The following MYH1 variants were observed in gnomAD, a reference collection of about 807,000 sequenced individuals.
MYH1 encodes the protein myosin heavy chain 1.
MYH1 carries 214 observed loss-of-function variants against 225.6 expected under a neutral mutation model. The ratio of observed to expected loss-of-function variants is 0.95; its 90% confidence interval spans 0.85 to 1.06. MYH1 has a LOEUF of 1.06. Ranked by LOEUF, MYH1 falls within the 50% of genes least tolerant of loss-of-function variation. The pLI is 0.00. For synonymous variants in MYH1, 774 were observed against 842.3 expected (o/e 0.92, Z 1.40); for missense variants, 2,098 against 2,344.2 (o/e 0.89, Z 2.17).
chr17:10,511,716 A>T, intron 14 of MYH1, 123 bp downstream of exon 14: 1 of 1,464,754 alleles, frequency 6.8e-7, no homozygotes, highest in Non-Finnish European at 9.4e-7. Flanking sequence ...TGTGTCAGTT[A>T]AGTTTAAAGT....
chr17:10,506,873 C>T (rs1418243303), intron 17 of MYH1, among the ~76,000 whole-genome samples: 1 of 152,166 alleles, frequency 6.6e-6, no homozygotes, highest in African/African-American at 2.4e-5. Flanking sequence ...AGATATAGAG[C>T]TGTGTCCTCC....
Position 10,516,623 on chromosome 17 carries a change from A to G in MYH1, c.20T>C (p.Met7Thr), listed in dbSNP as rs146363375. ...AGGAGCAGCCTCCCCAAAAATGGCC[A>G]TCTCAGAGTCGGAACTCATGGCTGC... MSSDSE[M>T]AIFGEAAPFL... The change falls in exon 3 of 40, where the codon ATG (methionine) becomes ACG (threonine). Residue 7 changes from methionine (M) to threonine (T), a missense_variant. Coordinates refer to ENST00000226207, the MANE Select transcript of MYH1 (RefSeq NM_005963.4). The G allele has an allele frequency of 1.5e-5, 24 of 1,614,220 alleles. No individual in the cohort carries two copies. The highest frequency in any genetic ancestry group is 1.9e-5 in the Non-Finnish European group (22 of 1,180,038).
intron 17 of MYH1, among the ~76,000 whole-genome samples, chr17:10,506,418 G>C (rs1181424305): frequency 1.3e-5 from 2 of 151,670 alleles, no homozygotes; most frequent in African/African-American, 4.8e-5. Context: ...TTTTTGCCTA[G>C]ATACATGGTC....
At chr17:10,499,288 T>C (rs1283758942) in intron 28 of MYH1, among the ~76,000 whole-genome samples, 196 bp from the exon 29 acceptor site, 1 of 152,182 alleles carries the variant, frequency 6.6e-6, no homozygotes, top group Non-Finnish European at 1.5e-5. Context: ...TTGAGGCAGA[T>C]TACATGCTTG....
intron 22 of MYH1, 51 bp downstream of exon 22, chr17:10,504,759 T>A: frequency 6.2e-7 from 1 of 1,600,942 alleles, no homozygotes; most frequent in Non-Finnish European, 8.5e-7. Flanking sequence ...TAGTGACCAC[T>A]GAGCTGAAGT....
At chr17:10,500,205 A>T (rs1567716754) in intron 28 of MYH1, among the ~76,000 whole-genome samples, 1 of 152,178 alleles carries the variant, frequency 6.6e-6, no homozygotes. Flanking sequence ...TAATGAGGAA[A>T]ATAAAGTAAC....
At chr17:10,496,998 C>T in intron 33 of MYH1, 71 bp downstream of exon 33, 1 of 1,554,076 alleles carries the variant, frequency 6.4e-7, no homozygotes, top group South Asian at 1.2e-5. Context: ...TCTCTTGATT[C>T]ACCATTCCTT....
rs1386497640 is a variant in MYH1 at position 10,503,122 on chromosome 17, G to C, written c.2818C>G (p.Leu940Val). Reference sequence around the variant, plus strand: ...TCCAGTTTCCTCTTCTTGGCTGTCAGCTCAGCATTGATCTCTTCCTCATCC... The same window carrying C: ...TCCAGTTTCCTCTTCTTGGCTGTCACCTCAGCATTGATCTCTTCCTCATCC... ...AEDEEEINAE[L>V]TAKKRKLEDE... Residue 940 changes from leucine (L) to valine (V), a missense_variant, in exon 23 of 40, where the codon CTG (leucine) becomes GTG (valine). Leu to Val is a conservative substitution (Grantham distance 32, BLOSUM62 1). Transcript: ENST00000226207. The C allele has an allele frequency of 1.9e-6, 3 of 1,613,436 alleles. No homozygotes were observed. Among genetic ancestry groups the C allele is most frequent in the Non-Finnish European group, 1.7e-6 (2 of 1,179,518 alleles).
intron 2 of MYH1, among the ~76,000 whole-genome samples, 192 bp downstream of exon 2, chr17:10,518,048 C>T (rs1021052209): frequency 6.6e-6 from 1 of 151,944 alleles, no homozygotes; most frequent in East Asian, 1.9e-4. Context: ...TCATATATTG[C>T]GAGGGATATG....
intron 5 of MYH1, 36 bp from the exon 6 acceptor site, chr17:10,514,931 C>G (rs368798634): frequency 6.2e-7 from 1 of 1,601,850 alleles, no homozygotes; most frequent in South Asian, 1.1e-5. Flanking sequence ...GCATATGTAT[C>G]AGTTACACAA....
In MYH1 at chr17:10,503,160, G is replaced by A. The variant is rs1330318042; in HGVS notation, c.2780C>T (p.Thr927Ile). 6.2e-7 allele frequency: 1 copy of A among 1,613,646 alleles called. No homozygotes were observed. Among genetic ancestry groups the A allele is most frequent in the East Asian group, 2.2e-5 (1 of 44,888 alleles). ...CTCTTCCTCATCCTCAGCTCTCTCA[G>A]TCACCTCTTTGATTTTGGCTTCTAG... ...IQLEAKIKEV[T>I]ERAEDEEEIN... Residue 927 changes from threonine to isoleucine, a missense_variant, in exon 23 of 40, where the codon ACT (threonine) becomes ATT (isoleucine). Thr to Ile is a moderately conservative substitution (Grantham distance 89, BLOSUM62 -1). Coordinates refer to ENST00000226207, the MANE Select transcript of MYH1 (RefSeq NM_005963.4).
intron 30 of MYH1, among the ~76,000 whole-genome samples, chr17:10,498,235 T>C (rs1431191158): frequency 1.3e-5 from 2 of 152,192 alleles, no homozygotes; most frequent in Non-Finnish European, 2.9e-5. Context: ...GAATTACTGG[T>C]TTGTTTTTCT....
At chr17:10,507,836 G>T in intron 17 of MYH1, 50 bp downstream of exon 17, 10 of 1,494,966 alleles carry the variant, frequency 6.7e-6, no homozygotes, top group Non-Finnish European at 8.4e-6. Flanking sequence ...ACACCATAGA[G>T]TACATTTAAT....
chr17:10,509,696 T>C (rs767578659), intron 14 of MYH1, 41 bp from the exon 15 acceptor site: 1 of 1,614,142 alleles, frequency 6.2e-7, no homozygotes, highest in Non-Finnish European at 8.5e-7. Flanking sequence ...CAATTTATAA[T>C]GAAATCTTCT....
At position 10,496,231 on chromosome 17, in the gene MYH1, A is replaced by G. The variant is rs200205205; in HGVS notation, c.4965+10T>C. On this transcript the variant is annotated intron_variant, in intron 34 of 39. Coordinates refer to ENST00000226207, the MANE Select transcript of MYH1 (RefSeq NM_005963.4). The stretch of plus-strand genomic sequence containing the variant: ...CAATTGTCCTGGGATCATCTGTTGG[A>G]CATATTTACCTTGAGGATGGCTTGG... The G allele has an allele frequency of 6.2e-7, 1 of 1,614,104 alleles. No homozygotes were observed. The highest frequency in any genetic ancestry group is 2.2e-5 in the East Asian group (1 of 44,872).
At position 10,513,882 on chromosome 17, in the gene MYH1, T is replaced by C. The variant is rs1191357079; in HGVS notation, c.680A>G (p.Asn227Ser). ...GTLEDQIISANPLLEAFGNAK... is the reference protein window; with the variant it reads ...GTLEDQIISASPLLEAFGNAK... ...GTTGCCAAAGGCCTCCAGTAGGGGG[T>C]TGGCACTGATGATTTGATCTTCCAG... Residue 227 changes from asparagine to serine, a missense_variant, in exon 8 of 40, where the codon AAC (asparagine) becomes AGC (serine). Asn to Ser is a conservative substitution (Grantham distance 46, BLOSUM62 1). Transcript: ENST00000226207. 1.3e-5 allele frequency: 21 copies of C among 1,613,874 alleles called. No individual in the cohort carries two copies. The highest frequency in any genetic ancestry group is 1.7e-5 in the Non-Finnish European group (20 of 1,179,992).
At chr17:10,500,480 G>T (rs1055383163) in intron 28 of MYH1, 146 bp downstream of exon 28, 2 of 1,155,086 alleles carry the variant, frequency 1.7e-6, no homozygotes, top group African/African-American at 1.5e-5. Context: ...GCAACCTCAT[G>T]CCAGTGGTCA....
chr17:10,507,937 T>C lies in MYH1; in HGVS notation c.1917A>G (p.Lys639=). 1 of 1,613,790 alleles carries C rather than the reference T, an allele frequency of 6.2e-7. No homozygotes were observed. Among genetic ancestry groups the C allele is most frequent in the East Asian group, 2.2e-5 (1 of 44,878 alleles). Residue 639 remains lysine, a synonymous_variant, in exon 17 of 40, where the codon AAA becomes AAG. Transcript: ENST00000226207. ...GAEAEAGGGK[K]GGKKKGSSFQ... ...AAGAAGAACCCTTCTTCTTACCACC[T>C]TTCTTTCCACCGCCAGCCTCTGAGG...
chr17:10,502,809 G>T lies in MYH1; in HGVS notation c.3040C>A (p.Leu1014Met). ...QEAHQQTLDDLQAEEDKVNTL... is the reference protein window; with the variant it reads ...QEAHQQTLDDMQAEEDKVNTL... Reference sequence around the variant, plus strand: ...TTGACTTTGTCCTCCTCTGCCTGCAGGTCATCCAGGGTCTGCTGGTGGGCC... The same window carrying T: ...TTGACTTTGTCCTCCTCTGCCTGCATGTCATCCAGGGTCTGCTGGTGGGCC... The change falls in exon 24 of 40, where the codon CTG (leucine) becomes ATG (methionine). Residue 1014 changes from leucine to methionine, a missense_variant. Physicochemically the swap from Leu to Met is conservative, Grantham distance 15. Transcript: ENST00000226207. 6.2e-7 allele frequency: 1 copy of T among 1,614,068 alleles called. No homozygotes were observed. The highest frequency in any genetic ancestry group is 8.5e-7 in the Non-Finnish European group (1 of 1,180,010).
Sources: allele counts gnomAD v4.1 joint callset (sites outside exome capture counted in the v4.1 genomes callset), GRCh38; gene constraint gnomAD v4.1.1; transcripts MANE v1.5; gene names NCBI Gene and HGNC (gene_info 2026-07-23, HGNC 2026-07-21).